SSBP2: variants seen among roughly 807,000 people sequenced by gnomAD.
SSBP2 encodes single stranded DNA binding protein 2.
Under a neutral mutation model 61.8 loss-of-function variants are expected in SSBP2, and 17 were observed. The ratio of observed to expected loss-of-function variants is 0.28; its 90% CI spans 0.19 to 0.41. The LOEUF (loss-of-function observed/expected upper bound fraction) is 0.41. Ranked by LOEUF, SSBP2 falls within the 10% of genes least tolerant of loss-of-function variation. The pLI is 1.00. For synonymous variants in SSBP2, 139 were observed against 141.3 expected (o/e 0.98, Z 0.12); for missense variants, 310 against 458.7 (o/e 0.68, Z 2.96).
At chr5:81,595,511 T>C (rs1743638776) in intron 4 of SSBP2, among the ~76,000 whole-genome samples, 2 of 152,196 alleles carry the variant, frequency 1.3e-5, no homozygotes, top group South Asian at 4.1e-4. Context: ...ATCATCCTGA[T>C]ACCAAAGCCT....
At chr5:81,448,939 T>G (rs3764986) in intron 10 of SSBP2, 114 bp from the exon 11 acceptor site, 10 of 785,904 alleles carry the variant, frequency 1.3e-5, no homozygotes, top group Non-Finnish European at 2.1e-5. Context: ...TCACAAAGTA[T>G]AGTAAAGGAT....
chr5:81,412,859 T>G lies in SSBP2; in HGVS notation c.*7645A>C, dbSNP rs1049208511. Among the ~76,000 whole-genome samples, 1 of 147,430 alleles carries G rather than the reference T, an allele frequency of 6.8e-6. No individual in the cohort carries two copies. The highest frequency in any genetic ancestry group is 1.5e-5 in the Non-Finnish European group (1 of 65,164). On this transcript the variant is annotated 3_prime_UTR_variant, in exon 17 of 17. Transcript: ENST00000320672. ...TAACATATCTATTTGCTAATAACAT[T>G]AGTTTTTTTTTGGCATTCCATGTTT...
At chr5:81,683,840 A>C (rs1451633391) in intron 1 of SSBP2, among the ~76,000 whole-genome samples, 2 of 152,238 alleles carry the variant, frequency 1.3e-5, no homozygotes, top group Non-Finnish European at 2.9e-5. Context: ...GATGGCAAGT[A>C]AGCATACAAA....
At chr5:81,521,066 T>C (rs529927322) in intron 4 of SSBP2, among the ~76,000 whole-genome samples, 1 of 152,226 alleles carries the variant, frequency 6.6e-6, no homozygotes, top group Non-Finnish European at 1.5e-5. Context: ...ACTGTTTTAC[T>C]TGTTAGTAGA....
intron 4 of SSBP2, among the ~76,000 whole-genome samples, chr5:81,522,249 G>A (rs890476139): frequency 6.6e-5 from 10 of 152,008 alleles, no homozygotes; most frequent in Admixed American, 2.0e-4. Context: ...GTGGGAACCC[G>A]TTGGTGATAT....
chr5:81,464,606 T>C (rs919961919), intron 9 of SSBP2, among the ~76,000 whole-genome samples: 1 of 152,152 alleles, frequency 6.6e-6, no homozygotes, highest in East Asian at 1.9e-4. Context: ...GTGACCAGGG[T>C]TGGGAATTTT....
At chr5:81,627,284 C>T (rs1306574411) in intron 3 of SSBP2, among the ~76,000 whole-genome samples, 1 of 151,980 alleles carries the variant, frequency 6.6e-6, no homozygotes, top group Non-Finnish European at 1.5e-5. Context: ...TCTCTATGGC[C>T]TATGTTTTTT....
At position 81,414,669 on chromosome 5, in the gene SSBP2, C is replaced by CTT. The variant is rs1761240396; in HGVS notation, c.*5833_*5834dup. The CTT allele has an allele frequency of 3.3e-5, 5 of 152,300 alleles. No individual in the cohort carries two copies. In the South Asian group the frequency reaches 1.0e-3, roughly 32 times the overall value. 9.4% of individuals were successfully genotyped at this position (152,300 alleles called of 1,614,324 possible). A position where few individuals can be genotyped will look rare whatever the true frequency, so the allele number is the denominator to read the frequency against. ...ATTAAATGATCACTTATGCCCTTAT[C>CTT]TTTAGATACAGTACCTTCAAAAGAA... On this transcript the variant is annotated 3_prime_UTR_variant, in exon 17 of 17. Coordinates refer to ENST00000320672, the MANE Select transcript of SSBP2 (RefSeq NM_012446.5).
intron 4 of SSBP2, among the ~76,000 whole-genome samples, chr5:81,614,359 C>CAAAAAAAA (rs10659647): frequency 9.5e-5 from 7 of 73,814 alleles, no homozygotes; most frequent in Non-Finnish European, 1.5e-4. Flanking sequence ...GACTCCGTCT[C>CAAAAAAAA]AAAAAAAAAA....
intron 4 of SSBP2, among the ~76,000 whole-genome samples, chr5:81,568,863 CAT>C (rs1773636784): frequency 6.6e-6 from 1 of 152,106 alleles, no homozygotes; most frequent in Admixed American, 6.6e-5. Context: ...AGAAATATAA[CAT>C]ATGTGTCAAA....
chr5:81,747,289 G>A (rs1025104271), intron 1 of SSBP2, among the ~76,000 whole-genome samples: 1 of 152,000 alleles, frequency 6.6e-6, no homozygotes, highest in Admixed American at 6.6e-5. Flanking sequence ...TCAATCACAG[G>A]TTCTAAAGTT....
intron 1 of SSBP2, among the ~76,000 whole-genome samples, chr5:81,673,671 G>A (rs1751753666): frequency 6.6e-6 from 1 of 152,204 alleles, no homozygotes; most frequent in East Asian, 1.9e-4. Context: ...ATGGCTGAAA[G>A]TGTCAGTGAT....
chr5:81,487,395 CT>C (rs1313880234), intron 6 of SSBP2, among the ~76,000 whole-genome samples: 9 of 151,862 alleles, frequency 5.9e-5, no homozygotes, highest in African/African-American at 2.2e-4. Flanking sequence ...TTTTAGAGCT[CT>C]TGTAGATTAA....
chr5:81,535,822 A>T (rs137995872), intron 4 of SSBP2, among the ~76,000 whole-genome samples: 11 of 152,214 alleles, frequency 7.2e-5, no homozygotes, highest in Non-Finnish European at 1.5e-4. Flanking sequence ...AGATAATAAC[A>T]TATAATAAAA....
At chr5:81,487,526 T>C (rs984185458) in intron 6 of SSBP2, among the ~76,000 whole-genome samples, 1 of 152,134 alleles carries the variant, frequency 6.6e-6, no homozygotes, top group South Asian at 2.1e-4. Context: ...GCTAGAGCCA[T>C]GATATTGAAA....
Position 81,415,933 on chromosome 5 carries a change from G to GAAAAAAAAAAAAAAAT in SSBP2, c.*4570_*4571insATTTTTTTTTTTTTTT. 1 of 79,820 alleles carries GAAAAAAAAAAAAAAAT rather than the reference G, an allele frequency of 1.3e-5. No individual in the cohort carries two copies. Among genetic ancestry groups the GAAAAAAAAAAAAAAAT allele is most frequent in the East Asian group, 2.6e-4 (1 of 3,848 alleles). 4.9% of individuals were successfully genotyped at this position (79,820 alleles called of 1,614,324 possible). On this transcript the variant is annotated 3_prime_UTR_variant, in exon 17 of 17. Transcript: ENST00000320672. ...ACTCAAAAAAAAAAAAAAAAAAGAG[G>GAAAAAAAAAAAAAAAT]AAAACCTGATCAAGCATAGTGGCTC...
intron 3 of SSBP2, among the ~76,000 whole-genome samples, chr5:81,623,933 T>C (rs1466767676): frequency 6.6e-6 from 1 of 152,176 alleles, no homozygotes; most frequent in Non-Finnish European, 1.5e-5. Context: ...AATCCTGTAT[T>C]GCTTATACAT....
At chr5:81,701,612 T>C (rs1328918634) in intron 1 of SSBP2, among the ~76,000 whole-genome samples, 2 of 152,240 alleles carry the variant, frequency 1.3e-5, no homozygotes, top group Non-Finnish European at 2.9e-5. Context: ...CCACTAAAGA[T>C]GTCTCAAATA....
At chr5:81,517,121 A>G (rs774668256) in intron 4 of SSBP2, among the ~76,000 whole-genome samples, 10 of 152,062 alleles carry the variant, frequency 6.6e-5, no homozygotes, top group Non-Finnish European at 1.0e-4. Flanking sequence ...ATCCACGACT[A>G]TTTAGGGTTG....
Sources: gnomAD v4.1 joint callset for allele counts (sites outside exome capture counted in the v4.1 genomes callset) on GRCh38, gnomAD v4.1.1 for gene constraint, MANE v1.5 for transcripts, NCBI Gene and HGNC (gene_info 2026-07-23, HGNC 2026-07-21) for gene names.